CSMD3: variants seen among roughly 807,000 people sequenced by gnomAD.
The protein encoded by CSMD3 is CUB and sushi domain-containing protein 3.
In CSMD3, 177 loss-of-function variants were observed where a neutral mutation model predicts 435.2. The observed-to-expected ratio is 0.41, with a 90% confidence interval of 0.36 to 0.46. The LOEUF is 0.46. Ranked by LOEUF, CSMD3 falls within the 20% of genes least tolerant of loss-of-function variation. The probability of loss-of-function intolerance (pLI) is 0.34; values close to 1 mark genes in which losing one functional copy is unlikely to be tolerated. For missense variants in CSMD3, 4,265 were observed against 4,504.6 expected (o/e 0.95, Z 1.52); for synonymous variants, 1,656 against 1,520.5 (o/e 1.09, Z -2.07).
intron 50 of CSMD3, chr8:112,310,502 T>C (rs181083071): frequency 4.2e-4 from 89 of 210,456 alleles, no homozygotes; most frequent in African/African-American, 2.0e-3. Flanking sequence ...TGTTGTGTTA[T>C]CTGTACCACT....
intron 31 of CSMD3, among the ~76,000 whole-genome samples, chr8:112,487,345 C>G (rs1820239139): frequency 6.6e-6 from 1 of 152,018 alleles, no homozygotes; most frequent in South Asian, 2.1e-4. Flanking sequence ...AGCCAGAGAG[C>G]TGGGGTAAAA....
intron 32 of CSMD3, among the ~76,000 whole-genome samples, chr8:112,467,664 T>C (rs1212553984): frequency 6.6e-6 from 1 of 152,148 alleles, no homozygotes; most frequent in Non-Finnish European, 1.5e-5. Context: ...GATGATATCA[T>C]ATTGGAGTAG....
At chr8:112,745,133 T>C (rs550468739) in intron 13 of CSMD3, among the ~76,000 whole-genome samples, 1 of 152,102 alleles carries the variant, frequency 6.6e-6, no homozygotes, top group Admixed American at 6.6e-5. Flanking sequence ...TACAATTTGA[T>C]AGTACCCTTA....
At chr8:112,835,764 A>C (rs76646715) in intron 11 of CSMD3, among the ~76,000 whole-genome samples, 1,722 of 152,030 alleles carry the variant, frequency 0.011, 32 homozygotes, top group African/African-American at 0.038. Flanking sequence ...TCTAGAGCAC[A>C]GCAGTCTTGT....
intron 59 of CSMD3, among the ~76,000 whole-genome samples, chr8:112,278,009 TCAAACCATTTCTGAC>T (rs1818247687): frequency 6.6e-6 from 1 of 152,162 alleles, no homozygotes; most frequent in Non-Finnish European, 1.5e-5. Flanking sequence ...ATCCCTTCTC[TCAAACCATTTCTGAC>T]CAAAGAGAGT....
At chr8:113,153,207 A>G (rs971626400) in intron 4 of CSMD3, among the ~76,000 whole-genome samples, 1 of 147,090 alleles carries the variant, frequency 6.8e-6, no homozygotes, top group East Asian at 2.1e-4. Context: ...AGGGAGGGAA[A>G]GAGAGAGGTA....
chr8:112,459,568 C>A (rs1817233135), intron 32 of CSMD3, among the ~76,000 whole-genome samples: 1 of 152,008 alleles, frequency 6.6e-6, no homozygotes, highest in Admixed American at 6.6e-5. Flanking sequence ...AATTGTTGTG[C>A]CCTTAAGTAC....
At chr8:113,360,229 CAA>C (rs1482603396) in intron 1 of CSMD3, among the ~76,000 whole-genome samples, 1 of 152,118 alleles carries the variant, frequency 6.6e-6, no homozygotes, top group East Asian at 1.9e-4. Context: ...GTACCAGTGA[CAA>C]GAGTAGCTCT....
At chr8:113,391,480 C>T (rs79970195) in intron 1 of CSMD3, among the ~76,000 whole-genome samples, 145 of 152,048 alleles carry the variant, frequency 9.5e-4, no homozygotes, top group Middle Eastern at 3.4e-3. Flanking sequence ...TGTATTAGAA[C>T]AGCAATGTCA....
At chr8:112,612,670 C>A in intron 22 of CSMD3, among the ~76,000 whole-genome samples, 1 of 150,294 alleles carries the variant, frequency 6.7e-6, no homozygotes. Flanking sequence ...TTTAGACAAT[C>A]CCAGTTAAAA....
chr8:113,155,803 T>C (rs1228160789), intron 4 of CSMD3, among the ~76,000 whole-genome samples: 1 of 152,212 alleles, frequency 6.6e-6, no homozygotes, highest in African/African-American at 2.4e-5. Context: ...TACAGATATA[T>C]TCAGTATGTA....
intron 10 of CSMD3, among the ~76,000 whole-genome samples, chr8:112,882,953 T>A (rs1401492037): frequency 6.6e-6 from 1 of 151,940 alleles, no homozygotes; most frequent in Non-Finnish European, 1.5e-5. Flanking sequence ...ACACAAAAGC[T>A]CATATTTAAG....
At chr8:112,870,757 T>A (rs550126220) in intron 10 of CSMD3, among the ~76,000 whole-genome samples, 1 of 152,160 alleles carries the variant, frequency 6.6e-6, no homozygotes, top group East Asian at 1.9e-4. Context: ...AACACTATGC[T>A]GGGTGGAGGT....
intron 9 of CSMD3, 37 bp from the exon 10 acceptor site, chr8:112,921,788 A>C: frequency 6.5e-7 from 1 of 1,529,166 alleles, no homozygotes; most frequent in Non-Finnish European, 9.1e-7. Flanking sequence ...ATGATAAGAA[A>C]GATGCAACAT....
In CSMD3 at chr8:112,503,912, A is replaced by T. The variant is rs759027070; in HGVS notation, c.4961T>A (p.Leu1654Gln). The T allele has an allele frequency of 4.3e-6, 7 of 1,612,618 alleles. No homozygotes were observed. Among genetic ancestry groups the T allele is most frequent in the Non-Finnish European group, 5.1e-6 (6 of 1,178,974 alleles). The stretch of plus-strand genomic sequence containing the variant: ...CTTGCTGTCTTGAAAACTTCCAATC[A>T]GTGGGCTATTACTGTCTGGTCCATC... ...IYDGPDSNSP[L>Q]IGSFQDSKLP... is the part of the protein sequence containing the mutation. The change falls in exon 30 of 71, where the codon CTG (leucine) becomes CAG (glutamine). Residue 1654 changes from leucine (L) to glutamine (Q), a missense_variant. Physicochemically the swap from Leu to Gln is moderately radical, Grantham distance 113. This residue lies in a region of CSMD3 where 3,255 missense variants were observed against 3,380.2 expected (regional missense o/e 0.96). Transcript: ENST00000297405.
intron 22 of CSMD3, among the ~76,000 whole-genome samples, chr8:112,630,526 G>A (rs4545132): frequency 0.49 from 74,510 of 151,848 alleles, 18,905 homozygotes; most frequent in African/African-American, 0.59. Flanking sequence ...CACAATGCCT[G>A]CCGTGTATTA....
intron 50 of CSMD3, 48 bp downstream of exon 50, chr8:112,310,930 C>T (rs1821921036): frequency 6.8e-7 from 1 of 1,468,778 alleles, no homozygotes; most frequent in East Asian, 2.3e-5. Flanking sequence ...TTAAATGGTG[C>T]TAATCTCACA....
chr8:112,349,957 G>A (rs1825997575), intron 40 of CSMD3, among the ~76,000 whole-genome samples: 1 of 152,042 alleles, frequency 6.6e-6, no homozygotes, highest in African/African-American at 2.4e-5. Context: ...GGTACTTAAG[G>A]TTAAATGAGG....
At chr8:113,116,657 T>G (rs1189633083) in intron 4 of CSMD3, among the ~76,000 whole-genome samples, 2 of 152,092 alleles carry the variant, frequency 1.3e-5, no homozygotes, top group Non-Finnish European at 2.9e-5. Flanking sequence ...GACAAAAAAC[T>G]GTAGAAAAGT....
Sources: gnomAD v4.1 joint callset for allele counts (sites outside exome capture counted in the v4.1 genomes callset) on GRCh38, gnomAD v4.1.1 for gene constraint, gnomAD v4.1.1 regional missense constraint, MANE v1.5 for transcripts, NCBI Gene and HGNC (gene_info 2026-07-23, HGNC 2026-07-21) for gene names.